MMP3: variants seen among roughly 807,000 people sequenced by gnomAD.
MMP3 encodes the protein stromelysin-1.
A neutral mutation model predicts 47.3 loss-of-function variants in MMP3; 46 were observed. That is an observed-to-expected ratio of 0.97 (90% CI 0.77 to 1.24). The LOEUF is 1.24. MMP3 is among the 50% of genes most tolerant of loss of function. MMP3 has a pLI of 0.00. For missense variants in MMP3, 558 were observed against 565.5 expected (o/e 0.99, Z 0.13); for synonymous variants, 216 against 206.5 (o/e 1.05, Z -0.39).
chr11:102,838,479 G>A lies in MMP3; in HGVS notation c.1229+72C>T, dbSNP rs1858925384. 4 of 1,498,460 alleles carry A rather than the reference G, an allele frequency of 2.7e-6. No individual in the cohort carries two copies. The Admixed American group carries it at 7.9e-5, about 30-fold the overall frequency. The allele number at this position is 1,498,460 out of a possible 1,614,324, so 92.8% of individuals were successfully genotyped here. The stretch of plus-strand genomic sequence containing the variant: ...AGAAGCAGGCCTAAGGTTGGGGTGG[G>A]GGATTTCCTTAGTAAAAGAAACTAA... On this transcript the variant is annotated intron_variant, in intron 8 of 9. Transcript: ENST00000299855.
rs879952535 is a variant in MMP3, at chr11:102,840,469, G to A, written c.750C>T (p.Arg250=). The stretch of plus-strand genomic sequence containing the variant: ...TGCCATTTATATCATCTTGAGACAG[G>A]CGGAACCGAGTCAGGTCTGTGAGTG... The part of the protein sequence containing the change: ...YHSLTDLTRF[R]LSQDDINGIQ... Residue 250 remains arginine, a synonymous_variant, in exon 5 of 10, where the codon CGC becomes CGT. Coordinates refer to ENST00000299855, the MANE Select transcript of MMP3 (RefSeq NM_002422.5). 1.9e-6 allele frequency: 3 copies of A among 1,614,078 alleles called. No individual in the cohort carries two copies. Among genetic ancestry groups the A allele is most frequent in the Middle Eastern group, 1.7e-4 (1 of 6,060 alleles).
Position 102,837,245 on chromosome 11 carries a change from TATC to T in MMP3, c.1333+50_1333+52del. 6.6e-6 allele frequency: 9 copies of T among 1,357,612 alleles called. No individual in the cohort carries two copies. The highest frequency in any genetic ancestry group is 9.5e-6 in the Non-Finnish European group (9 of 951,024). The allele number at this position is 1,357,612 out of a possible 1,614,324, so 84.1% of individuals were successfully genotyped here. On this transcript the variant is annotated intron_variant, in intron 9 of 9. Transcript: ENST00000299855. This position sits in a 1 kb window ranked among gnomAD's most constrained non-coding sequence, Gnocchi z 4.4. Reference sequence around the variant, plus strand: ...GTTTCAATGCTCCTCTTCCCTCTGATATCATAAAATGTTTCAAGTGCTCTATGG... The same window carrying T: ...GTTTCAATGCTCCTCTTCCCTCTGATATAAAATGTTTCAAGTGCTCTATGG...
At position 102,837,596 on chromosome 11, in the gene MMP3, G is replaced by A. The variant is rs540656662; in HGVS notation, c.1230-195C>T. Among the ~76,000 whole-genome samples, 7 of 152,054 alleles carry A rather than the reference G, an allele frequency of 4.6e-5. No individual in the cohort carries two copies. Among genetic ancestry groups the A allele is most frequent in the Admixed American group, 6.6e-5 (1 of 15,252 alleles). On this transcript the variant is annotated intron_variant, in intron 8 of 9. Transcript: ENST00000299855. This position sits in a 1 kb window ranked among gnomAD's most constrained non-coding sequence, Gnocchi z 4.4. ...AGTTCTGAAAGCCATATCTCCATCC[G>A]GAACAGGGGCCGCATCCTGCTGTAT...
Position 102,837,280 on chromosome 11 carries a change from C to G in MMP3, c.1333+18G>C, listed in dbSNP as rs138785291. The G allele has an allele frequency of 5.9e-5, 93 of 1,575,950 alleles. No individual in the cohort carries two copies. In the East Asian group the frequency reaches 2.0e-3, roughly 35 times the overall value. ...TGTTTCAAGTGCTCTATGGCCAACA[C>G]AGTAAGTATCCTCTTACCAAATTCT... On this transcript the variant is annotated intron_variant, in intron 9 of 9. Coordinates refer to ENST00000299855, the MANE Select transcript of MMP3 (RefSeq NM_002422.5). This position sits in a 1 kb window ranked among gnomAD's most constrained non-coding sequence, Gnocchi z 4.4.
At chr11:102,841,545 T>G (rs374116008) in intron 4 of MMP3, among the ~76,000 whole-genome samples, 37 of 152,320 alleles carry the variant, frequency 2.4e-4, no homozygotes, top group African/African-American at 8.4e-4. Context: ...TTTAGCTGAT[T>G]TTTTTGAAAA....
In MMP3 at chr11:102,837,647, T is replaced by A. The variant is rs1858907583; in HGVS notation, c.1230-246A>T. Among the ~76,000 whole-genome samples the A allele has an allele frequency of 1.3e-5, 2 of 152,146 alleles. No individual in the cohort carries two copies. Among genetic ancestry groups the A allele is most frequent in the African/African-American group, 4.8e-5 (2 of 41,442 alleles). On this transcript the variant is annotated intron_variant, in intron 8 of 9. Coordinates refer to ENST00000299855, the MANE Select transcript of MMP3 (RefSeq NM_002422.5). The surrounding 1 kb of genome is among the most constrained non-coding windows in gnomAD (Gnocchi z 4.4). The stretch of plus-strand genomic sequence containing the variant: ...GTAGCACATGCTGTTTGTCATCATA[T>A]TTCTTAAGCCTGGACAGAAAGAACC...
In MMP3 at chr11:102,835,992, G is replaced by T; in HGVS notation, c.*134C>A. 1.5e-6 allele frequency: 1 copy of T among 655,396 alleles called. No individual in the cohort carries two copies. Among genetic ancestry groups the T allele is most frequent in the Non-Finnish European group, 2.7e-6 (1 of 369,616 alleles). The allele number at this position is 655,396 out of a possible 1,614,324, so 40.6% of individuals were successfully genotyped here. On this transcript the variant is annotated 3_prime_UTR_variant, in exon 10 of 10. Coordinates refer to ENST00000299855, the MANE Select transcript of MMP3 (RefSeq NM_002422.5). ...AATGACCGGCAAGATACAGATTCAC[G>T]CTCAAGTTCCCTTGAGTGTGACTCG...
chr11:102,838,757 A>G, intron 7 of MMP3, 47 bp from the exon 8 acceptor site: 1 of 1,562,896 alleles, frequency 6.4e-7, no homozygotes, highest in Non-Finnish European at 8.7e-7. Context: ...ATAACAGTTA[A>G]GCCCTTTCGC....
intron 3 of MMP3, 28 bp downstream of exon 3, chr11:102,842,403 G>GTTTT (rs1555005635): frequency 1.4e-5 from 13 of 918,440 alleles, no homozygotes; most frequent in East Asian, 6.2e-5. Flanking sequence ...GTTTTGTTTT[G>GTTTT]CTTTTTTTTT....
At position 102,842,429 on chromosome 11, in the gene MMP3, AC is replaced by A; in HGVS notation, c.499+1del. 2 of 641,596 alleles carry A rather than the reference AC, an allele frequency of 3.1e-6. No individual in the cohort carries two copies. The highest frequency in any genetic ancestry group is 6.9e-5 in the African/African-American group (1 of 14,540). 39.7% of individuals were successfully genotyped at this position (641,596 alleles called of 1,614,324 possible). The stretch of plus-strand genomic sequence containing the variant: ...CTTTTTTTTTTTTTTTTTTTTTTTT[AC>A]CTCTAACTGCAAAAGAGATCATTAT... On this transcript the variant is annotated splice_donor_variant, in intron 3 of 9. Transcript: ENST00000299855. LOFTEE classifies it high-confidence loss of function.
chr11:102,841,379 C>T (rs1858993958), intron 4 of MMP3, among the ~76,000 whole-genome samples: 1 of 152,112 alleles, frequency 6.6e-6, no homozygotes, highest in African/African-American at 2.4e-5. Context: ...GGTTTCTTTA[C>T]AAGAATTCGT....
At chr11:102,838,736 C>T in intron 7 of MMP3, 26 bp from the exon 8 acceptor site, 1 of 1,590,426 alleles carries the variant, frequency 6.3e-7, no homozygotes, top group East Asian at 2.3e-5. Flanking sequence ...AATTCAGAGT[C>T]ATATTGAATT....
rs782575608 is a variant in MMP3 at position 102,838,621 on chromosome 11, TC to T, written c.1158del (p.Ile388SerfsTer17). 1.9e-5 allele frequency: 30 copies of T among 1,613,484 alleles called. No homozygotes were observed. The East Asian group carries it at 6.5e-4, about 35-fold the overall frequency. On this transcript the variant is annotated frameshift_variant, in exon 8 of 10. Transcript: ENST00000299855. LOFTEE classifies it high-confidence loss of function. The part of the protein sequence containing the change: ...IHTLGFPPTV[R>X]KIDAAISDKE... ...TTATCAGAAATGGCTGCATCGATTT[TC>T]CTCACGGTTGGAGGGAAACCTAGGG...
rs1264961097 is a variant in MMP3, at chr11:102,842,848, A to T, written c.174T>A (p.Gly58=). 6.2e-7 allele frequency: 1 copy of T among 1,613,646 alleles called. No homozygotes were observed. Among genetic ancestry groups the T allele is most frequent in the East Asian group, 2.2e-5 (1 of 44,858 alleles). The change falls in exon 2 of 10, where the codon GGT becomes GGA. Residue 58 remains glycine (G), a synonymous_variant. Coordinates refer to ENST00000299855, the MANE Select transcript of MMP3 (RefSeq NM_002422.5). ...TTTCTCGGATTTTTTTAACAACAGG[A>T]CCACTGTCCTTTCTCCTAACAAACT... The part of the protein sequence containing the change: ...VKQFVRRKDS[G]PVVKKIREMQ...
Position 102,837,402 on chromosome 11 carries a change from C to A in MMP3, c.1230-1G>T. The A allele has an allele frequency of 1.9e-6, 3 of 1,611,558 alleles. No individual in the cohort carries two copies. Among genetic ancestry groups the A allele is most frequent in the African/African-American group, 2.7e-5 (2 of 75,006 alleles). The stretch of plus-strand genomic sequence containing the variant: ...CATGGAATTTCTCTTCTCATCAAAT[C>A]TGTACCAAGTAAAAGAAACAGCTCA... On this transcript the variant is annotated splice_acceptor_variant, in intron 8 of 9. Coordinates refer to ENST00000299855, the MANE Select transcript of MMP3 (RefSeq NM_002422.5). LOFTEE classifies it high-confidence loss of function. The surrounding 1 kb of genome is among the most constrained non-coding windows in gnomAD (Gnocchi z 4.4).
Position 102,837,518 on chromosome 11 carries a change from T to C in MMP3, c.1230-117A>G, listed in dbSNP as rs1232769641. 1.4e-6 allele frequency: 1 copy of C among 717,266 alleles called. No homozygotes were observed. The highest frequency in any genetic ancestry group is 1.8e-5 in the African/African-American group (1 of 55,944). 44.4% of individuals were successfully genotyped at this position (717,266 alleles called of 1,614,324 possible). ...AAACTTTATAAATACTGCAAATAAA[T>C]GCCAAGCATATTTGGGACTATAGAA... is the stretch of plus-strand genomic sequence containing the variant. On this transcript the variant is annotated intron_variant, in intron 8 of 9. Transcript: ENST00000299855. This position sits in a 1 kb window ranked among gnomAD's most constrained non-coding sequence, Gnocchi z 4.4.
rs1555004520 is a variant in MMP3 at position 102,836,185 on chromosome 11, C to A, written c.1375G>T (p.Asp459Tyr). 3 of 1,613,776 alleles carry A rather than the reference C, an allele frequency of 1.9e-6. No individual in the cohort carries two copies. The highest frequency in any genetic ancestry group is 3.3e-5 in the Admixed American group (2 of 59,998). Reference protein sequence around the residue: ...FFTGSSQLEFDPNAKKVTHTL... With the variant: ...FFTGSSQLEFYPNAKKVTHTL... ...TGTGTCACTTTCTTTGCATTTGGGTCAAACTCCAACTGTGAAGATCCAGTA... is the reference window on the plus strand; with the variant it reads ...TGTGTCACTTTCTTTGCATTTGGGTAAAACTCCAACTGTGAAGATCCAGTA... The change falls in exon 10 of 10, where the codon GAC becomes TAC. Residue 459 changes from aspartate to tyrosine, a missense_variant. Physicochemically the swap from Asp to Tyr is radical, Grantham distance 160. Transcript: ENST00000299855. This position sits in a 1 kb window ranked among gnomAD's most constrained non-coding sequence, Gnocchi z 4.6.
At chr11:102,840,293 A>G in intron 5 of MMP3, 41 bp from the exon 6 acceptor site, 1 of 1,605,424 alleles carries the variant, frequency 6.2e-7, no homozygotes, top group Non-Finnish European at 8.5e-7. Context: ...GTTTCAATAT[A>G]TGCCCATTTG....
At chr11:102,838,472 G>T in intron 8 of MMP3, 79 bp downstream of exon 8, 1 of 1,447,506 alleles carries the variant, frequency 6.9e-7, no homozygotes. Flanking sequence ...GCCTAAGGTT[G>T]GGGTGGGGGA....
Sources: allele counts gnomAD v4.1 joint callset (sites outside exome capture counted in the v4.1 genomes callset), GRCh38; gene constraint gnomAD v4.1.1; non-coding constraint Gnocchi (gnomAD v3.1); transcripts MANE v1.5; gene names NCBI Gene and HGNC (gene_info 2026-07-23, HGNC 2026-07-21).